Variants in KCNIP4 observed in about 807,000 individuals in gnomAD.
KCNIP4 encodes Kv channel-interacting protein 4.
Under a neutral mutation model 34.0 loss-of-function variants are expected in KCNIP4, and 12 were observed. The observed-to-expected ratio is 0.35, with a 90% confidence interval of 0.23 to 0.57. The LOEUF (loss-of-function observed/expected upper bound fraction) is 0.57, where lower values mean the gene tolerates loss of function less well. Among genes scored for constraint, KCNIP4 ranks in the 20% least tolerant of loss-of-function variants. The pLI is 0.83. For synonymous variants in KCNIP4, 124 were observed against 102.2 expected, an observed-to-expected ratio of 1.21 and a Z score of -1.29; for missense variants, 238 against 311.7, an observed-to-expected ratio of 0.76 and a Z score of 1.78.
At chr4:21,728,494 T>C (rs1452253570) in intron 1 of KCNIP4, among the ~76,000 whole-genome samples, 3 of 152,192 alleles carry the variant, frequency 2.0e-5, no homozygotes, top group Non-Finnish European at 4.4e-5. Flanking sequence ...GCTTCTGCCC[T>C]TGCTGCCTTA....
chr4:21,869,771 TAGATAGATAGATAGAC>T (rs1406918816), intron 1 of KCNIP4, among the ~76,000 whole-genome samples: 108 of 123,280 alleles, frequency 8.8e-4, no homozygotes, highest in African/African-American at 2.1e-3. Flanking sequence ...GATAGATAGA[TAGATAGATAGATAGAC>T]AGACAGACAG....
At chr4:20,882,452 C>A (rs1724801029) in intron 2 of KCNIP4, among the ~76,000 whole-genome samples, 156 bp downstream of exon 2, 1 of 152,056 alleles carries the variant, frequency 6.6e-6, no homozygotes, top group Non-Finnish European at 1.5e-5. Context: ...CCTAATTGCC[C>A]AAATGTTCTC....
chr4:21,617,400 CTT>C (rs1022050909), intron 1 of KCNIP4, among the ~76,000 whole-genome samples: 2 of 152,066 alleles, frequency 1.3e-5, no homozygotes, highest in East Asian at 3.9e-4. Context: ...AAAAACACCT[CTT>C]TGTGTTTTTA....
At chr4:21,439,227 C>G (rs1429222528) in intron 1 of KCNIP4, among the ~76,000 whole-genome samples, 1 of 151,758 alleles carries the variant, frequency 6.6e-6, no homozygotes, top group Non-Finnish European at 1.5e-5. Flanking sequence ...TGGCCATCAC[C>G]TGCACCTGCC....
At chr4:21,105,450 T>A (rs1306282799) in intron 1 of KCNIP4, among the ~76,000 whole-genome samples, 1 of 151,722 alleles carries the variant, frequency 6.6e-6, no homozygotes, top group Non-Finnish European at 1.5e-5. Flanking sequence ...CAATTTTGTA[T>A]CCTGAGATTT....
chr4:21,269,658 G>A (rs1762022732), intron 1 of KCNIP4, among the ~76,000 whole-genome samples: 1 of 152,130 alleles, frequency 6.6e-6, no homozygotes, highest in African/African-American at 2.4e-5. Flanking sequence ...GCCTCTTAAA[G>A]TGCTGGGATT....
At chr4:21,848,033 G>A (rs1341660642) in intron 1 of KCNIP4, 1 of 152,128 alleles carries the variant, frequency 6.6e-6, no homozygotes, top group Non-Finnish European at 1.5e-5. Context: ...AATCACTGCA[G>A]AGGAGCTTCT....
chr4:20,952,908 T>A (rs2149643838), intron 1 of KCNIP4, among the ~76,000 whole-genome samples: 1 of 152,386 alleles, frequency 6.6e-6, no homozygotes, highest in East Asian at 1.9e-4. Flanking sequence ...TGCTCATAGA[T>A]GACACCGTCT....
intron 1 of KCNIP4, among the ~76,000 whole-genome samples, chr4:21,204,526 G>T (rs1006189596): frequency 6.6e-6 from 1 of 152,096 alleles, no homozygotes; most frequent in Non-Finnish European, 1.5e-5. Flanking sequence ...CCAATGATTG[G>T]TTTTAGATTC....
intron 1 of KCNIP4, among the ~76,000 whole-genome samples, chr4:20,962,768 G>A (rs1347847900): frequency 1.3e-5 from 2 of 152,158 alleles, no homozygotes; most frequent in Non-Finnish European, 1.5e-5. Flanking sequence ...GTATAGATGA[G>A]CGATAACAGG....
At chr4:21,824,348 T>C (rs926190459) in intron 1 of KCNIP4, among the ~76,000 whole-genome samples, 3 of 152,284 alleles carry the variant, frequency 2.0e-5, no homozygotes, top group Middle Eastern at 3.4e-3. Flanking sequence ...TTAGGAGTCA[T>C]GCAGCCAGAG....
intron 1 of KCNIP4, among the ~76,000 whole-genome samples, chr4:21,403,025 C>T (rs569206958): frequency 1.3e-5 from 2 of 152,276 alleles, no homozygotes; most frequent in African/African-American, 4.8e-5. Flanking sequence ...CTACACCACT[C>T]TATTGTCATG....
chr4:21,021,662 T>C (rs1181937193), intron 1 of KCNIP4, among the ~76,000 whole-genome samples: 1 of 152,144 alleles, frequency 6.6e-6, no homozygotes. Context: ...TATCACTGTC[T>C]TCCACCTCCA....
intron 1 of KCNIP4, among the ~76,000 whole-genome samples, chr4:21,600,430 A>G (rs1743016885): frequency 6.6e-6 from 1 of 152,112 alleles, no homozygotes; most frequent in African/African-American, 2.4e-5. Flanking sequence ...ACATTCATAT[A>G]ATGTATAAAT....
At chr4:20,924,226 A>G (rs770550896) in intron 1 of KCNIP4, among the ~76,000 whole-genome samples, 2 of 152,314 alleles carry the variant, frequency 1.3e-5, no homozygotes, top group African/African-American at 2.4e-5. Context: ...AACAGTCCAT[A>G]TTAGGTTTTA....
intron 1 of KCNIP4, among the ~76,000 whole-genome samples, chr4:21,198,047 A>C (rs1423572890): frequency 6.6e-6 from 1 of 152,198 alleles, no homozygotes; most frequent in Non-Finnish European, 1.5e-5. Flanking sequence ...TTCTGTAGAG[A>C]CCACTCTAGC....
chr4:21,607,368 C>T (rs1252262064), intron 1 of KCNIP4, among the ~76,000 whole-genome samples: 2 of 152,148 alleles, frequency 1.3e-5, no homozygotes, highest in Non-Finnish European at 2.9e-5. Flanking sequence ...TGTCCACCTA[C>T]TTTATCAAGA....
intron 1 of KCNIP4, among the ~76,000 whole-genome samples, chr4:21,314,840 A>T (rs1345574572): frequency 1.3e-5 from 2 of 152,208 alleles, no homozygotes; most frequent in Admixed American, 1.3e-4. Flanking sequence ...AAGGATAAAG[A>T]GTACCATATT....
At chr4:21,338,978 A>C (rs1716464390) in intron 1 of KCNIP4, among the ~76,000 whole-genome samples, 1 of 152,188 alleles carries the variant, frequency 6.6e-6, no homozygotes, top group African/African-American at 2.4e-5. Context: ...CTATAGAAAC[A>C]TGGGAACCTA....
Sources: allele counts gnomAD v4.1 joint callset (sites outside exome capture counted in the v4.1 genomes callset), GRCh38; gene constraint gnomAD v4.1.1; transcripts MANE v1.5; gene names NCBI Gene and HGNC (gene_info 2026-07-23, HGNC 2026-07-21).